DPP10: variants seen among roughly 807,000 people sequenced by gnomAD.
DPP10 encodes inactive dipeptidyl peptidase 10.
A neutral mutation model predicts 120.9 loss-of-function variants in DPP10; 33 were observed. The ratio of observed to expected loss-of-function variants is 0.27; its 90% CI spans 0.21 to 0.37. The LOEUF (loss-of-function observed/expected upper bound fraction) is 0.37. Among genes scored for constraint, DPP10 ranks in the 10% least tolerant of loss-of-function variants. DPP10 has a pLI of 1.00. For missense variants in DPP10, 816 were observed against 942.8 expected (o/e 0.87, Z 1.76); for synonymous variants, 337 against 326.1 (o/e 1.03, Z -0.36).
intron 3 of DPP10, among the ~76,000 whole-genome samples, chr2:115,458,613 G>A (rs1460856056): frequency 2.0e-5 from 3 of 151,996 alleles, no homozygotes; most frequent in African/African-American, 7.2e-5. Context: ...TTCAATAAAA[G>A]CCAATTTTAT....
chr2:114,903,766 A>G (rs72832458), intron 1 of DPP10, among the ~76,000 whole-genome samples: 6,812 of 152,282 alleles, frequency 0.045, 238 homozygotes, highest in African/African-American at 0.09. Context: ...CCATAACCAG[A>G]TAGGATTTGT....
intron 5 of DPP10, among the ~76,000 whole-genome samples, chr2:115,580,805 A>G (rs1354911481): frequency 2.6e-5 from 4 of 152,030 alleles, no homozygotes; most frequent in South Asian, 2.1e-4. Context: ...CCCATCTTAC[A>G]TATGTCAATT....
intron 7 of DPP10, among the ~76,000 whole-genome samples, chr2:115,709,975 A>C (rs2092264402): frequency 6.6e-6 from 1 of 152,128 alleles, no homozygotes; most frequent in Non-Finnish European, 1.5e-5. Flanking sequence ...ATCCCTCAAA[A>C]GTAAATGTTA....
intron 1 of DPP10, among the ~76,000 whole-genome samples, chr2:114,485,191 A>T (rs1174490283): frequency 1.3e-5 from 2 of 152,132 alleles, no homozygotes; most frequent in Non-Finnish European, 2.9e-5. Context: ...TGTCGTTGTC[A>T]AAAGACAAAA....
intron 5 of DPP10, among the ~76,000 whole-genome samples, chr2:115,613,753 A>G (rs2084285661): frequency 6.6e-6 from 1 of 152,194 alleles, no homozygotes; most frequent in Non-Finnish European, 1.5e-5. Flanking sequence ...CGCAGACTCT[A>G]AGGTATGGAT....
intron 1 of DPP10, among the ~76,000 whole-genome samples, chr2:114,989,675 C>T (rs953531333): frequency 6.6e-6 from 1 of 152,130 alleles, no homozygotes; most frequent in African/African-American, 2.4e-5. Context: ...ATAGAAGAAA[C>T]TGGACTGGGG....
intron 1 of DPP10, among the ~76,000 whole-genome samples, chr2:115,154,744 G>GCA (rs923488825): frequency 7.9e-5 from 12 of 151,600 alleles, no homozygotes; most frequent in Non-Finnish European, 1.6e-4. Context: ...CACCCCCTGA[G>GCA]CACACACACA....
intron 1 of DPP10, among the ~76,000 whole-genome samples, chr2:115,286,526 A>AATATATATATATATAT (rs1553538951): frequency 1.6e-5 from 1 of 60,948 alleles, no homozygotes; most frequent in Non-Finnish European, 3.3e-5. Flanking sequence ...ATATATATAT[A>AATATATATATATATAT]ATATATATAT....
intron 5 of DPP10, among the ~76,000 whole-genome samples, chr2:115,610,704 T>C (rs1343771544): frequency 6.6e-6 from 1 of 152,188 alleles, no homozygotes; most frequent in Non-Finnish European, 1.5e-5. Flanking sequence ...TTTGTTATTA[T>C]TGTAAGAGAT....
At chr2:115,598,762 T>G (rs1351737046) in intron 5 of DPP10, among the ~76,000 whole-genome samples, 8 of 151,554 alleles carry the variant, frequency 5.3e-5, no homozygotes, top group Non-Finnish European at 7.4e-5. Flanking sequence ...TGATGAAAGA[T>G]TCAAGCTTTT....
chr2:114,517,906 C>T (rs919607076), intron 1 of DPP10, among the ~76,000 whole-genome samples: 6 of 152,062 alleles, frequency 3.9e-5, no homozygotes, highest in African/African-American at 1.2e-4. Flanking sequence ...ATATATTGGG[C>T]AATGTTTCTA....
chr2:115,117,679 A>G (rs1024764206), intron 1 of DPP10, among the ~76,000 whole-genome samples: 1 of 152,210 alleles, frequency 6.6e-6, no homozygotes, highest in Non-Finnish European at 1.5e-5. Flanking sequence ...TTGTACATAG[A>G]TTTCTGAAAA....
At chr2:115,344,366 G>A (rs1020792507) in intron 3 of DPP10, among the ~76,000 whole-genome samples, 4 of 152,154 alleles carry the variant, frequency 2.6e-5, no homozygotes, top group African/African-American at 9.6e-5. Context: ...TACATCTCTA[G>A]CACATCACTA....
At chr2:114,955,892 A>G (rs1698165343) in intron 1 of DPP10, among the ~76,000 whole-genome samples, 1 of 152,186 alleles carries the variant, frequency 6.6e-6, no homozygotes, top group African/African-American at 2.4e-5. Flanking sequence ...AACATTTAAT[A>G]TTTTATCATA....
intron 17 of DPP10, among the ~76,000 whole-genome samples, chr2:115,789,136 A>G (rs1404470621): frequency 1.3e-5 from 2 of 152,078 alleles, no homozygotes; most frequent in African/African-American, 4.8e-5. Context: ...ATAAAAAATA[A>G]AAAATAAGGC....
At chr2:114,656,316 T>C (rs993597457) in intron 1 of DPP10, among the ~76,000 whole-genome samples, 5 of 152,076 alleles carry the variant, frequency 3.3e-5, no homozygotes, top group African/African-American at 1.2e-4. Flanking sequence ...TTGAAATTTT[T>C]TTTGGAACAA....
intron 1 of DPP10, among the ~76,000 whole-genome samples, chr2:115,280,518 C>G (rs2060116221): frequency 6.6e-6 from 1 of 152,180 alleles, no homozygotes; most frequent in South Asian, 2.1e-4. Context: ...TAAGCAATAT[C>G]ATGTTAAGCA....
intron 2 of DPP10, among the ~76,000 whole-genome samples, chr2:115,315,980 A>G (rs140310345): frequency 1.3e-3 from 197 of 152,304 alleles, no homozygotes; most frequent in African/African-American, 4.5e-3. Flanking sequence ...TTTAAGCCAT[A>G]TGTGATTCCC....
intron 3 of DPP10, among the ~76,000 whole-genome samples, chr2:115,478,678 C>T (rs182630240): frequency 2.9e-4 from 44 of 152,146 alleles, no homozygotes; most frequent in Admixed American, 9.2e-4. Flanking sequence ...ATATCCAGAA[C>T]ATATAGAAAA....
Sources: allele counts gnomAD v4.1 joint callset (sites outside exome capture counted in the v4.1 genomes callset), GRCh38; gene constraint gnomAD v4.1.1; transcripts MANE v1.5; gene names NCBI Gene and HGNC (gene_info 2026-07-23, HGNC 2026-07-21).